The following DGLUCY variants were observed in gnomAD, a reference collection of about 807,000 sequenced individuals.
The protein encoded by DGLUCY is D-glutamate cyclase.
Under a neutral mutation model 58.5 loss-of-function variants are expected in DGLUCY, and 58 were observed. The observed-to-expected ratio is 0.99, with a 90% confidence interval of 0.80 to 1.23. The LOEUF is 1.23. Ranked by LOEUF, DGLUCY falls within the 50% of genes most tolerant of loss-of-function variation. The pLI is 0.00. For synonymous variants in DGLUCY, 325 were observed against 314.1 expected (o/e 1.03, Z -0.37); for missense variants, 779 against 784.7 (o/e 0.99, Z 0.09).
chr14:91,213,247 C>T (rs1000836330), intron 12 of DGLUCY, among the ~76,000 whole-genome samples: 1 of 152,064 alleles, frequency 6.6e-6, no homozygotes, highest in Admixed American at 6.6e-5. Context: ...CCAGCCTGGC[C>T]AACGCAGTAA....
intron 1 of DGLUCY, among the ~76,000 whole-genome samples, chr14:91,066,916 T>TAA (rs76723225): frequency 2.2e-5 from 3 of 136,460 alleles, no homozygotes; most frequent in African/African-American, 5.4e-5. Context: ...CCGTCTCTAC[T>TAA]AAAAAAAAAA....
intron 1 of DGLUCY, among the ~76,000 whole-genome samples, chr14:91,132,187 C>T (rs964067460): frequency 6.6e-6 from 1 of 152,088 alleles, no homozygotes; most frequent in South Asian, 2.1e-4. Flanking sequence ...TCTTGTTTTC[C>T]CTGAGCTCTC....
At chr14:91,152,140 A>G (rs1365784979) in intron 1 of DGLUCY, among the ~76,000 whole-genome samples, 1 of 152,168 alleles carries the variant, frequency 6.6e-6, no homozygotes, top group Non-Finnish European at 1.5e-5. Context: ...TAATCCCAAC[A>G]CTTTGGGAGT....
chr14:91,122,122 G>A (rs983576698), intron 1 of DGLUCY, among the ~76,000 whole-genome samples: 5 of 151,418 alleles, frequency 3.3e-5, no homozygotes, highest in African/African-American at 1.2e-4. Flanking sequence ...AGAAAAAACT[G>A]TTAACCTATT....
intron 12 of DGLUCY, 164 bp downstream of exon 12, chr14:91,204,989 C>T: frequency 2.2e-6 from 2 of 913,082 alleles, no homozygotes; most frequent in Non-Finnish European, 3.3e-6. Context: ...TTCAGTCATT[C>T]AACAAACATT....
At chr14:91,159,452 G>C (rs976346321) in intron 2 of DGLUCY, among the ~76,000 whole-genome samples, 6 of 152,060 alleles carry the variant, frequency 3.9e-5, no homozygotes, top group Non-Finnish European at 7.4e-5. Context: ...TCTGCCTCAA[G>C]AAAAACAAAC....
At chr14:91,153,503 C>T (rs1027314317) in intron 1 of DGLUCY, among the ~76,000 whole-genome samples, 1 of 152,204 alleles carries the variant, frequency 6.6e-6, no homozygotes, top group Non-Finnish European at 1.5e-5. Flanking sequence ...ATTTATTGGG[C>T]ACCTCCCGTG....
chr14:91,181,625 TTCTTTCTTTCTTTC>T (rs1595858963), intron 8 of DGLUCY, among the ~76,000 whole-genome samples: 1 of 143,346 alleles, frequency 7.0e-6, no homozygotes, highest in East Asian at 1.9e-4. Context: ...TACTTTCTTT[TTCTTTCTTTCTTTC>T]TCTTTCTTTC....
At chr14:91,094,817 C>G (rs1233668796) in intron 1 of DGLUCY, among the ~76,000 whole-genome samples, 1 of 150,318 alleles carries the variant, frequency 6.7e-6, no homozygotes, top group Non-Finnish European at 1.5e-5. Flanking sequence ...GAGCAAAACT[C>G]TCTCTCAAAA....
intron 8 of DGLUCY, among the ~76,000 whole-genome samples, chr14:91,182,236 C>T (rs922581887): frequency 6.6e-6 from 1 of 152,236 alleles, no homozygotes; most frequent in Non-Finnish European, 1.5e-5. Flanking sequence ...CCATCTCGGC[C>T]TCCCGAAGTG....
intron 13 of DGLUCY, among the ~76,000 whole-genome samples, chr14:91,223,296 A>G (rs911801260): frequency 6.6e-6 from 1 of 152,212 alleles, no homozygotes; most frequent in African/African-American, 2.4e-5. Context: ...GGCCTGACAC[A>G]TACTTAGCAG....
intron 6 of DGLUCY, chr14:91,175,613 A>C (rs2048811177): frequency 3.9e-6 from 1 of 258,584 alleles, no homozygotes; most frequent in Admixed American, 4.4e-5. Context: ...GACCAAGGTC[A>C]ACCCCCCAAG....
chr14:91,085,403 A>AC (rs1397743071), intron 1 of DGLUCY, among the ~76,000 whole-genome samples: 64 of 149,600 alleles, frequency 4.3e-4, no homozygotes, highest in African/African-American at 1.5e-3. Context: ...CGTTCTCCAT[A>AC]CCCCCCACAT....
At chr14:91,167,613 C>T in intron 4 of DGLUCY, 1 of 718,332 alleles carries the variant, frequency 1.4e-6, no homozygotes, top group Non-Finnish European at 2.5e-6. Context: ...GGAGAAAGTC[C>T]AGCCCTGGAG....
Position 91,204,809 on chromosome 14 carries a change from C to G in DGLUCY, c.1548C>G (p.Asp516Glu). 6.2e-7 allele frequency: 1 copy of G among 1,614,092 alleles called. No individual in the cohort carries two copies. The highest frequency in any genetic ancestry group is 1.1e-5 in the South Asian group (1 of 91,070). ...GDVIACDVEA[D>E]FAVIAGVSNW... Reference sequence around the variant, plus strand: ...TCATCGCCTGCGACGTGGAGGCTGACTTTGCCGTCATTGCTGGTGAGCACT... The same window carrying G: ...TCATCGCCTGCGACGTGGAGGCTGAGTTTGCCGTCATTGCTGGTGAGCACT... The change falls in exon 12 of 14, where the codon GAC (aspartate) becomes GAG (glutamate). Residue 516 changes from aspartate to glutamate, a missense_variant. Coordinates refer to ENST00000256324, the MANE Select transcript of DGLUCY (RefSeq NM_001102368.3).
intron 9 of DGLUCY, 35 bp downstream of exon 9, chr14:91,189,205 A>G (rs371830507): frequency 6.2e-7 from 1 of 1,610,582 alleles, no homozygotes; most frequent in Non-Finnish European, 8.5e-7. Flanking sequence ...CATTTCCCCA[A>G]ACGGGCTTTG....
intron 10 of DGLUCY, among the ~76,000 whole-genome samples, chr14:91,197,113 C>T (rs1426526199): frequency 2.0e-5 from 3 of 151,996 alleles, no homozygotes; most frequent in South Asian, 2.1e-4. Context: ...ATTACAGGCA[C>T]GCACCATCAC....
chr14:91,081,160 G>A (rs138859235), intron 1 of DGLUCY, among the ~76,000 whole-genome samples: 3,035 of 151,678 alleles, frequency 0.02, 41 homozygotes, highest in Middle Eastern at 0.052. Context: ...CCAAGATCGC[G>A]CCACTGCACT....
intron 1 of DGLUCY, among the ~76,000 whole-genome samples, chr14:91,077,426 G>A (rs1041563725): frequency 2.2e-5 from 3 of 135,612 alleles, no homozygotes; most frequent in Non-Finnish European, 3.2e-5. Flanking sequence ...GAAGGAGGGA[G>A]GGAGGAAGGA....
Sources: gnomAD v4.1 joint callset for allele counts (sites outside exome capture counted in the v4.1 genomes callset) on GRCh38, gnomAD v4.1.1 for gene constraint, MANE v1.5 for transcripts, NCBI Gene and HGNC (gene_info 2026-07-23, HGNC 2026-07-21) for gene names.